Variants in WDHD1 observed in about 807,000 individuals in gnomAD.
WDHD1 encodes WD repeat and HMG-box DNA binding protein 1.
In WDHD1, 111 loss-of-function variants were observed where a neutral mutation model predicts 135.4. The observed-to-expected ratio is 0.82, with a 90% CI of 0.70 to 0.96. The LOEUF (loss-of-function observed/expected upper bound fraction) is 0.96, where lower values mean the gene tolerates loss of function less well. Ranked by LOEUF, WDHD1 falls within the 40% of genes least tolerant of loss-of-function variation. The pLI, the probability that WDHD1 is intolerant of heterozygous loss-of-function variation, is 0.00. For synonymous variants in WDHD1, 434 were observed against 439.0 expected (o/e 0.99, Z 0.14); for missense variants, 1,351 against 1,336.3 (o/e 1.01, Z -0.17).
chr14:55,004,139 T>C (rs1243469561), intron 7 of WDHD1, among the ~76,000 whole-genome samples: 1 of 152,200 alleles, frequency 6.6e-6, no homozygotes, highest in Non-Finnish European at 1.5e-5. Context: ...TAAATACCTA[T>C]ATATAGACTC....
intron 24 of WDHD1, among the ~76,000 whole-genome samples, chr14:54,945,002 TC>T (rs2040900084): frequency 6.6e-6 from 1 of 152,220 alleles, no homozygotes; most frequent in Non-Finnish European, 1.5e-5. Flanking sequence ...GTTTGTATTT[TC>T]CAAGTGCAGC....
intron 16 of WDHD1, among the ~76,000 whole-genome samples, chr14:54,971,703 ACT>A (rs1334745987): frequency 2.5e-5 from 3 of 120,036 alleles, no homozygotes; most frequent in Non-Finnish European, 4.9e-5. Flanking sequence ...ACAGAATGAG[ACT>A]CTGCCTCAAA....
chr14:55,001,722 T>C (rs1330339960), intron 8 of WDHD1, among the ~76,000 whole-genome samples: 1 of 152,208 alleles, frequency 6.6e-6, no homozygotes, highest in South Asian at 2.1e-4. Context: ...TATGTTTCCT[T>C]AACTGTAAAT....
intron 12 of WDHD1, among the ~76,000 whole-genome samples, chr14:54,989,729 G>C (rs979349444): frequency 6.6e-6 from 1 of 150,560 alleles, no homozygotes; most frequent in Non-Finnish European, 1.5e-5. Context: ...GCATGATCTC[G>C]GCTCACCGCA....
chr14:55,006,673 T>C (rs2042075511), intron 7 of WDHD1, among the ~76,000 whole-genome samples: 1 of 152,158 alleles, frequency 6.6e-6, no homozygotes, highest in South Asian at 2.1e-4. Flanking sequence ...TAGGTACTAA[T>C]GGTGAGAATG....
At chr14:54,991,555 G>A (rs1020786246) in intron 11 of WDHD1, among the ~76,000 whole-genome samples, 155 bp from the exon 12 acceptor site, 17 of 152,222 alleles carry the variant, frequency 1.1e-4, no homozygotes, top group African/African-American at 4.1e-4. Context: ...CAGTGATGGT[G>A]CAAAAGCAAT....
chr14:55,003,337 C>T (rs1595112080), intron 7 of WDHD1, among the ~76,000 whole-genome samples: 1 of 151,882 alleles, frequency 6.6e-6, no homozygotes, highest in East Asian at 1.9e-4. Context: ...TAATGAGACC[C>T]TGTCTCTACA....
chr14:55,026,497 C>T (rs2042443971), intron 2 of WDHD1, among the ~76,000 whole-genome samples: 5 of 152,018 alleles, frequency 3.3e-5, no homozygotes, highest in Admixed American at 3.3e-4. Flanking sequence ...ATCTTTCCAA[C>T]TCCTCTGGAA....
intron 16 of WDHD1, among the ~76,000 whole-genome samples, chr14:54,974,512 T>C (rs2041492785): frequency 6.7e-6 from 1 of 150,176 alleles, no homozygotes; most frequent in Non-Finnish European, 1.5e-5. Context: ...TTTTTTGTTA[T>C]ATTAAAGAAA....
intron 23 of WDHD1, among the ~76,000 whole-genome samples, chr14:54,955,895 C>CTTTTTTTTTT (rs71131243): frequency 1.8e-5 from 2 of 110,096 alleles, no homozygotes; most frequent in Admixed American, 1.0e-4. Flanking sequence ...CCATGTTTTC[C>CTTTTTTTTTT]TTTTTTTTTT....
intron 16 of WDHD1, among the ~76,000 whole-genome samples, chr14:54,971,092 T>G (rs2041423852): frequency 6.6e-6 from 1 of 152,182 alleles, no homozygotes; most frequent in South Asian, 2.1e-4. Context: ...TAACTCAAGA[T>G]GGATTAAACA....
intron 16 of WDHD1, among the ~76,000 whole-genome samples, chr14:54,978,849 G>A (rs985442209): frequency 4.6e-5 from 7 of 152,164 alleles, no homozygotes; most frequent in African/African-American, 1.4e-4. Flanking sequence ...GCCAAAAACA[G>A]AAGATAGGAA....
intron 24 of WDHD1, among the ~76,000 whole-genome samples, chr14:54,949,788 T>A (rs1317688326): frequency 6.6e-6 from 1 of 152,202 alleles, no homozygotes; most frequent in Non-Finnish European, 1.5e-5. Context: ...GACTAACAGC[T>A]GATCTCTCGG....
At chr14:55,000,716 TTTAG>T in intron 9 of WDHD1, 72 bp from the exon 10 acceptor site, 1 of 1,285,532 alleles carries the variant, frequency 7.8e-7, no homozygotes, top group South Asian at 2.5e-5. Context: ...TTAGGTAAAT[TTTAG>T]TTAGGAAAGA....
At chr14:54,946,937 G>C (rs2040936221) in intron 24 of WDHD1, among the ~76,000 whole-genome samples, 1 of 152,208 alleles carries the variant, frequency 6.6e-6, no homozygotes, top group Non-Finnish European at 1.5e-5. Flanking sequence ...CAGCTACTCA[G>C]GAGGCTGAGG....
At chr14:54,979,182 TTC>T (rs1163026083) in intron 16 of WDHD1, among the ~76,000 whole-genome samples, 1 of 152,070 alleles carries the variant, frequency 6.6e-6, no homozygotes, top group Non-Finnish European at 1.5e-5. Flanking sequence ...TTGAGATAGG[TTC>T]TCTGTCGCCT....
chr14:54,966,732 T>C, intron 17 of WDHD1, 126 bp from the exon 18 acceptor site: 3 of 1,100,462 alleles, frequency 2.7e-6, no homozygotes, highest in South Asian at 3.6e-5. Flanking sequence ...TCTATAAGTT[T>C]ATTTTACAAT....
intron 18 of WDHD1, among the ~76,000 whole-genome samples, chr14:54,965,880 C>T (rs375137208): frequency 4.0e-5 from 6 of 151,430 alleles, no homozygotes; most frequent in Non-Finnish European, 8.8e-5. Context: ...CACTTGAACC[C>T]GGGAAGTGGA....
chr14:54,986,506 A>C (rs2041697127), intron 14 of WDHD1, among the ~76,000 whole-genome samples: 2 of 152,092 alleles, frequency 1.3e-5, no homozygotes, highest in Admixed American at 6.6e-5. Context: ...TCTATTTCTT[A>C]CTGTGGCAAA....
Sources: allele counts gnomAD v4.1 joint callset (sites outside exome capture counted in the v4.1 genomes callset), GRCh38; gene constraint gnomAD v4.1.1; transcripts MANE v1.5; gene names NCBI Gene and HGNC (gene_info 2026-07-23, HGNC 2026-07-21).